Variants in ROBO2 observed in about 807,000 individuals in gnomAD.
ROBO2 encodes roundabout guidance receptor 2, also known as roundabout homolog 2.
Under a neutral mutation model 160.8 loss-of-function variants are expected in ROBO2, and 53 were observed. The ratio of observed to expected loss-of-function variants is 0.33; its 90% CI spans 0.26 to 0.41. ROBO2 has a LOEUF of 0.41. Ranked by LOEUF, ROBO2 falls within the 10% of genes least tolerant of loss-of-function variation. The pLI, the probability that ROBO2 is intolerant of heterozygous loss-of-function variation, is 1.00. For synonymous variants in ROBO2, 664 were observed against 611.7 expected (o/e 1.09, Z -1.26); for missense variants, 1,577 against 1,722.4 (o/e 0.92, Z 1.49).
At chr3:75,957,073 G>A (rs1471902968) in intron 2 of ROBO2, among the ~76,000 whole-genome samples, 1 of 151,664 alleles carries the variant, frequency 6.6e-6, no homozygotes, top group African/African-American at 2.4e-5. Context: ...TTTTATGATA[G>A]TGTTGCTTAA....
At chr3:76,685,784 A>G (rs539480630) in intron 2 of ROBO2, among the ~76,000 whole-genome samples, 1 of 152,296 alleles carries the variant, frequency 6.6e-6, no homozygotes, top group South Asian at 2.1e-4. Flanking sequence ...TAATCCTTAG[A>G]CAAAGTAAAT....
intron 2 of ROBO2, among the ~76,000 whole-genome samples, chr3:76,255,387 A>G (rs1405220687): frequency 6.6e-6 from 1 of 152,054 alleles, no homozygotes; most frequent in Admixed American, 6.6e-5. Context: ...TTCTTATTGA[A>G]TCCCCCATTG....
intron 2 of ROBO2, among the ~76,000 whole-genome samples, chr3:76,137,165 C>T (rs551729710): frequency 6.6e-6 from 1 of 152,016 alleles, no homozygotes; most frequent in East Asian, 1.9e-4. Context: ...GCTGGCAGGG[C>T]TTATGGCTAC....
chr3:76,225,837 T>G (rs1704250219), intron 2 of ROBO2, among the ~76,000 whole-genome samples: 1 of 152,310 alleles, frequency 6.6e-6, no homozygotes, highest in South Asian at 2.1e-4. Context: ...TTTTTTAAGC[T>G]TATACTTTCA....
intron 1 of ROBO2, among the ~76,000 whole-genome samples, chr3:77,041,481 C>A (rs1319006570): frequency 1.3e-5 from 2 of 152,190 alleles, no homozygotes; most frequent in African/African-American, 4.8e-5. Context: ...TGGGCAAACA[C>A]AATGGGGACC....
At chr3:77,555,403 T>C (rs998292626) in intron 8 of ROBO2, among the ~76,000 whole-genome samples, 9 of 152,032 alleles carry the variant, frequency 5.9e-5, no homozygotes, top group Non-Finnish European at 1.3e-4. Flanking sequence ...GAAATATTTA[T>C]AATTCAAACA....
intron 2 of ROBO2, among the ~76,000 whole-genome samples, chr3:76,180,978 A>T (rs76711583): frequency 6.6e-6 from 1 of 152,026 alleles, no homozygotes; most frequent in Non-Finnish European, 1.5e-5. Context: ...TCTAGCCTGT[A>T]TTCCTGACTC....
At chr3:76,768,035 A>G (rs1463948176) in intron 2 of ROBO2, among the ~76,000 whole-genome samples, 1 of 151,540 alleles carries the variant, frequency 6.6e-6, no homozygotes, top group Non-Finnish European at 1.5e-5. Context: ...GCCAATTGGC[A>G]CTGATACAAT....
intron 12 of ROBO2, among the ~76,000 whole-genome samples, chr3:77,567,818 A>C (rs939866863): frequency 6.6e-6 from 1 of 152,050 alleles, no homozygotes; most frequent in Non-Finnish European, 1.5e-5. Context: ...CCATGCTCCC[A>C]GACTGAAGTA....
intron 24 of ROBO2, among the ~76,000 whole-genome samples, chr3:77,638,455 G>A (rs1004752396): frequency 4.6e-5 from 7 of 152,146 alleles, no homozygotes; most frequent in African/African-American, 1.7e-4. Context: ...AATGGCAAGT[G>A]GCACACATCA....
At chr3:77,077,178 A>G (rs1285440860) in intron 1 of ROBO2, among the ~76,000 whole-genome samples, 1 of 152,212 alleles carries the variant, frequency 6.6e-6, no homozygotes, top group Non-Finnish European at 1.5e-5. Context: ...ACAAGCTTTT[A>G]AAATCTCAGA....
In ROBO2 at chr3:76,657,318, G is replaced by C. The variant is rs571732248; in HGVS notation, c.110-440696G>C. Among the ~76,000 whole-genome samples, 8 of 151,808 alleles carry C rather than the reference G, an allele frequency of 5.3e-5. No individual in the cohort carries two copies. The South Asian group carries it at 1.7e-3, about 32-fold the overall frequency. The stretch of plus-strand genomic sequence containing the variant: ...CGGGCGCCTGTAGTCCCAGCTACTC[G>C]GGAAGCTGAGGCAGGAGAATGGCGT... On this transcript the variant is annotated intron_variant, in intron 2 of 26. Coordinates refer to the ROBO2 transcript ENST00000487694.
chr3:76,347,760 G>T (rs1414526094), intron 2 of ROBO2, among the ~76,000 whole-genome samples: 2 of 152,036 alleles, frequency 1.3e-5, no homozygotes, highest in East Asian at 3.9e-4. Flanking sequence ...GTCTTTGATT[G>T]TGAGAAATAC....
At chr3:76,720,881 A>G (rs79284869) in intron 2 of ROBO2, among the ~76,000 whole-genome samples, 2,103 of 152,312 alleles carry the variant, frequency 0.014, 45 homozygotes, top group African/African-American at 0.048. Flanking sequence ...TGGCACAACA[A>G]TCAAATTCTG....
intron 2 of ROBO2, among the ~76,000 whole-genome samples, chr3:77,457,589 C>G (rs2081803287): frequency 6.6e-6 from 1 of 152,104 alleles, no homozygotes; most frequent in Admixed American, 6.5e-5. Context: ...GCCCTTGCTT[C>G]CCATACAACA....
At chr3:75,958,116 C>T (rs1948784667) in intron 2 of ROBO2, among the ~76,000 whole-genome samples, 2 of 151,776 alleles carry the variant, frequency 1.3e-5, no homozygotes, top group African/African-American at 4.8e-5. Flanking sequence ...TCTTTCTGAA[C>T]ATAAACCTTG....
intron 2 of ROBO2, among the ~76,000 whole-genome samples, chr3:77,475,778 C>A (rs1231667911): frequency 6.6e-6 from 1 of 152,204 alleles, no homozygotes; most frequent in African/African-American, 2.4e-5. Context: ...ACGGTGTTAA[C>A]CCCTTCTCAT....
chr3:77,525,343 A>C (rs553110065), intron 6 of ROBO2, among the ~76,000 whole-genome samples: 1 of 150,538 alleles, frequency 6.6e-6, no homozygotes, highest in East Asian at 2.0e-4. Context: ...CACATTAGCC[A>C]ATTGGGGAAA....
intron 2 of ROBO2, among the ~76,000 whole-genome samples, chr3:77,441,434 A>G (rs1204876442): frequency 6.6e-6 from 1 of 152,142 alleles, no homozygotes; most frequent in Non-Finnish European, 1.5e-5. Flanking sequence ...AAAATAATAC[A>G]CAAGAAAAAT....
Sources: gnomAD v4.1 joint callset for allele counts (sites outside exome capture counted in the v4.1 genomes callset) on GRCh38, gnomAD v4.1.1 for gene constraint, MANE v1.5 for transcripts, NCBI Gene and HGNC (gene_info 2026-07-23, HGNC 2026-07-21) for gene names.